SGCE: variants seen among roughly 807,000 people sequenced by gnomAD.
The protein encoded by SGCE is sarcoglycan epsilon.
Under a neutral mutation model 57.8 loss-of-function variants are expected in SGCE, and 26 were observed. The observed-to-expected ratio is 0.45, with a 90% CI of 0.33 to 0.62. SGCE has a LOEUF of 0.62. Among genes scored for constraint, SGCE ranks in the 20% least tolerant of loss-of-function variants. SGCE has a pLI of 0.02. For synonymous variants in SGCE, 183 were observed against 189.5 expected (o/e 0.97, Z 0.28); for missense variants, 468 against 548.6 (o/e 0.85, Z 1.47).
intron 1 of SGCE, among the ~76,000 whole-genome samples, chr7:94,632,116 A>G (rs1804809954): frequency 6.6e-6 from 1 of 152,078 alleles, no homozygotes; most frequent in African/African-American, 2.4e-5. Flanking sequence ...TCTGTAGATT[A>G]TCATCCTTCA....
chr7:94,649,453 C>A (rs1272987704), intron 1 of SGCE, among the ~76,000 whole-genome samples: 1 of 152,080 alleles, frequency 6.6e-6, no homozygotes, highest in Non-Finnish European at 1.5e-5. Flanking sequence ...GCAGGGGAGC[C>A]AGAGCCAGAG....
intron 3 of SGCE, chr7:94,627,885 T>C: frequency 3.6e-6 from 1 of 280,118 alleles, no homozygotes; most frequent in Non-Finnish European, 6.9e-6. Flanking sequence ...GAATTCAAAA[T>C]ACAGAGCAAA....
At chr7:94,599,108 G>T (rs1053298558) in intron 8 of SGCE, 145 bp from the exon 9 acceptor site, 20 of 613,632 alleles carry the variant, frequency 3.3e-5, no homozygotes, top group Non-Finnish European at 5.7e-5. Context: ...AACTATTTCA[G>T]AAAGGCATAC....
chr7:94,639,448 G>T, intron 1 of SGCE: 1 of 1,514,542 alleles, frequency 6.6e-7, no homozygotes, highest in Non-Finnish European at 8.8e-7. Flanking sequence ...TAATAAAAAA[G>T]CTTTTCAGAA....
intron 1 of SGCE, among the ~76,000 whole-genome samples, chr7:94,654,844 A>T (rs747092490): frequency 6.6e-6 from 1 of 152,216 alleles, no homozygotes; most frequent in Non-Finnish European, 1.5e-5. Context: ...TGTTTCAGAA[A>T]CCTAACTCAG....
intron 4 of SGCE, chr7:94,620,483 G>A (rs577124303): frequency 6.6e-6 from 1 of 152,094 alleles, no homozygotes; most frequent in East Asian, 1.9e-4. Flanking sequence ...GTTTTATACA[G>A]ATAAATAGCT....
chr7:94,596,292 T>G (rs978110704), intron 9 of SGCE, among the ~76,000 whole-genome samples: 1 of 152,106 alleles, frequency 6.6e-6, no homozygotes, highest in Non-Finnish European at 1.5e-5. Context: ...AAAATACTTT[T>G]TAAGGAGCTA....
Position 94,618,774 on chromosome 7 carries a change from T to A in SGCE, c.646A>T (p.Asn216Tyr). 1 of 1,613,934 alleles carries A rather than the reference T, an allele frequency of 6.2e-7. No individual in the cohort carries two copies. The highest frequency in any genetic ancestry group is 1.1e-5 in the South Asian group (1 of 91,080). Residue 216 changes from asparagine (N) to tyrosine (Y), a missense_variant, in exon 5 of 11, where the codon AAT becomes TAT. Transcript: ENST00000648936. ...DRGGRVPLPI[N>Y]DLKEGVYVMV... ...TCTGCTTACCCCTCCTTCAGGTCAT[T>A]AATGGGAAGTGGCACCCTGCCACCC...
chr7:94,606,627 GT>G (rs1203616468), intron 5 of SGCE, among the ~76,000 whole-genome samples: 1 of 152,298 alleles, frequency 6.6e-6, no homozygotes. Flanking sequence ...CAGTCGACAG[GT>G]TTTAATAGAC....
chr7:94,604,533 AACAG>A (rs368690162), intron 5 of SGCE, among the ~76,000 whole-genome samples: 10 of 151,530 alleles, frequency 6.6e-5, no homozygotes, highest in Admixed American at 5.9e-4. Flanking sequence ...CGGGCATAGG[AACAG>A]ACAGACAGAT....
intron 4 of SGCE, chr7:94,619,553 G>A (rs1270322318): frequency 6.6e-6 from 1 of 152,140 alleles, no homozygotes; most frequent in African/African-American, 2.4e-5. Context: ...ATGAGAAACT[G>A]TAAGTAAATA....
chr7:94,623,320 C>T lies in SGCE; in HGVS notation c.463+5G>A, dbSNP rs1210401434. ...AAGAAATGATCAACATATTTTCATA[C>T]CTACCTTCTGCAGACATTATATTAA... is the stretch of plus-strand genomic sequence containing the variant. On this transcript the variant is annotated splice_donor_5th_base_variant and intron_variant, in intron 4 of 10. Transcript: ENST00000648936. 1.3e-6 allele frequency: 2 copies of T among 1,545,186 alleles called. No individual in the cohort carries two copies. Among genetic ancestry groups the T allele is most frequent in the Admixed American group, 1.7e-5 (1 of 58,834 alleles).
intron 6 of SGCE, 126 bp from the exon 7 acceptor site, chr7:94,600,983 A>G: frequency 1.3e-6 from 1 of 788,892 alleles, no homozygotes; most frequent in Non-Finnish European, 2.1e-6. Flanking sequence ...CAATTACTTT[A>G]TCACCTCTTG....
At chr7:94,638,070 C>A (rs1304839119) in intron 1 of SGCE, among the ~76,000 whole-genome samples, 1 of 152,096 alleles carries the variant, frequency 6.6e-6, no homozygotes, top group African/African-American at 2.4e-5. Context: ...CTTGAAGGAA[C>A]TTGGGAGAAT....
chr7:94,628,583 G>A (rs1804143359), intron 2 of SGCE: 7 of 520,722 alleles, frequency 1.3e-5, no homozygotes, highest in Middle Eastern at 5.4e-4. Context: ...AAAGAAAGCA[G>A]ATTCATACAA....
rs1174578661 is a variant in SGCE, at chr7:94,600,676, G to A, written c.1007C>T (p.Ala336Val). ...AVALVLFLIL[A>V]YIMCCRREGV... ...TTCCCGTCGGCAGCACATGATATAA[G>A]CAAGTATTAGAAAAAGGACCAGTGC... Residue 336 changes from alanine to valine, a missense_variant, in exon 7 of 11, where the codon GCT (alanine) becomes GTT (valine). Coordinates refer to ENST00000648936, the MANE Select transcript of SGCE (RefSeq NM_003919.3). 1 of 1,613,652 alleles carries A rather than the reference G, an allele frequency of 6.2e-7. No homozygotes were observed. The highest frequency in any genetic ancestry group is 1.3e-5 in the African/African-American group (1 of 75,030).
chr7:94,619,807 G>T (rs142331408), intron 4 of SGCE: 1 of 152,150 alleles, frequency 6.6e-6, no homozygotes, highest in Admixed American at 6.6e-5. Context: ...ACTTTCATAC[G>T]TGAAAGCTTA....
At position 94,603,452 on chromosome 7, in the gene SGCE, G is replaced by A. The variant is rs781270494; in HGVS notation, c.663C>T (p.Gly221=). The A allele has an allele frequency of 2.5e-6, 4 of 1,612,380 alleles. No homozygotes were observed. Among genetic ancestry groups the A allele is most frequent in the South Asian group, 1.1e-5 (1 of 91,036 alleles). ...CATCTGCACCAACCATGACATAAAC[G>A]CTGTAAAAATGTGAAACTCTCAGGT... ...VPLPINDLKE[G]VYVMVGADVP... is the part of the protein sequence containing the mutation. Residue 221 remains glycine (G), a splice_region_variant and synonymous_variant, in exon 6 of 11, where the codon GGC becomes GGT. Transcript: ENST00000648936.
intron 2 of SGCE, 52 bp from the exon 3 acceptor site, chr7:94,628,411 T>G (rs1170307278): frequency 1.4e-6 from 2 of 1,468,170 alleles, no homozygotes; most frequent in East Asian, 4.6e-5. Flanking sequence ...TCACACATGT[T>G]GCTTTGGTAG....
Sources: allele counts gnomAD v4.1 joint callset (sites outside exome capture counted in the v4.1 genomes callset), GRCh38; gene constraint gnomAD v4.1.1; transcripts MANE v1.5; gene names NCBI Gene and HGNC (gene_info 2026-07-23, HGNC 2026-07-21).